The following UBE2E2 variants were observed in gnomAD, a reference collection of about 807,000 sequenced individuals.
The protein encoded by UBE2E2 is ubiquitin conjugating enzyme E2 E2.
UBE2E2 carries 6 observed loss-of-function variants against 24.7 expected under a neutral mutation model. That is an observed-to-expected ratio of 0.24 (90% CI 0.13 to 0.48). The LOEUF is 0.48. Among genes scored for constraint, UBE2E2 ranks in the 20% least tolerant of loss-of-function variants. The pLI is 0.99. For missense variants in UBE2E2, 169 were observed against 245.0 expected (o/e 0.69, Z 2.07); for synonymous variants, 104 against 83.6 (o/e 1.24, Z -1.33).
intron 3 of UBE2E2, among the ~76,000 whole-genome samples, chr3:23,495,800 G>A (rs549805869): frequency 3.3e-5 from 5 of 152,266 alleles, no homozygotes; most frequent in South Asian, 2.1e-4. Flanking sequence ...TCAGGAAAAG[G>A]AGGTAATGGG....
chr3:23,224,961 CTTT>C (rs770984995), intron 3 of UBE2E2, among the ~76,000 whole-genome samples: 2 of 133,996 alleles, frequency 1.5e-5, no homozygotes. Flanking sequence ...TGATGTTGTC[CTTT>C]TTTTTTTTTT....
chr3:23,575,914 T>C (rs1288889633), intron 5 of UBE2E2, among the ~76,000 whole-genome samples: 1 of 152,166 alleles, frequency 6.6e-6, no homozygotes, highest in Non-Finnish European at 1.5e-5. Context: ...CTAAAACTAA[T>C]GTGCTAAGTC....
intron 3 of UBE2E2, among the ~76,000 whole-genome samples, chr3:23,483,015 T>G (rs1479733387): frequency 6.6e-6 from 1 of 152,254 alleles, no homozygotes; most frequent in Non-Finnish European, 1.5e-5. Flanking sequence ...AACTCTAATC[T>G]GTACTTTTAT....
intron 5 of UBE2E2, among the ~76,000 whole-genome samples, chr3:23,559,713 T>C (rs1306475686): frequency 2.0e-5 from 3 of 152,204 alleles, no homozygotes; most frequent in Non-Finnish European, 4.4e-5. Flanking sequence ...GGTTAAAATA[T>C]TAAACATGAA....
intron 3 of UBE2E2, among the ~76,000 whole-genome samples, chr3:23,445,000 C>T (rs1429401977): frequency 6.6e-6 from 1 of 152,200 alleles, no homozygotes; most frequent in Non-Finnish European, 1.5e-5. Context: ...CTCTTTTACT[C>T]CCTCTACCTC....
intron 3 of UBE2E2, among the ~76,000 whole-genome samples, chr3:23,386,572 C>G (rs1018353248): frequency 6.6e-6 from 1 of 152,112 alleles, no homozygotes; most frequent in African/African-American, 2.4e-5. Flanking sequence ...TATTACCAAA[C>G]CAGAACAATT....
intron 3 of UBE2E2, among the ~76,000 whole-genome samples, chr3:23,366,302 C>G (rs1339226226): frequency 6.6e-6 from 1 of 152,208 alleles, no homozygotes; most frequent in African/African-American, 2.4e-5. Context: ...CCAGCAATCC[C>G]TTTATTGGGT....
chr3:23,460,606 A>G (rs908843432), intron 3 of UBE2E2, among the ~76,000 whole-genome samples: 1 of 152,204 alleles, frequency 6.6e-6, no homozygotes, highest in African/African-American at 2.4e-5. Context: ...AAAGTTATGC[A>G]TTCAATTAGC....
At chr3:23,424,162 A>G (rs1485452590) in intron 3 of UBE2E2, among the ~76,000 whole-genome samples, 1 of 152,220 alleles carries the variant, frequency 6.6e-6, no homozygotes, top group Non-Finnish European at 1.5e-5. Flanking sequence ...AAAATACCCA[A>G]TTGAATAAGA....
intron 5 of UBE2E2, among the ~76,000 whole-genome samples, chr3:23,555,293 T>A (rs1695751208): frequency 6.6e-6 from 1 of 152,174 alleles, no homozygotes; most frequent in Non-Finnish European, 1.5e-5. Context: ...GCATCACTAA[T>A]CATCAGGGAA....
chr3:23,356,736 A>C (rs760675120), intron 3 of UBE2E2, among the ~76,000 whole-genome samples: 3 of 152,234 alleles, frequency 2.0e-5, no homozygotes, highest in Non-Finnish European at 4.4e-5. Context: ...CAGAAACACT[A>C]AATCTCTGTT....
intron 3 of UBE2E2, among the ~76,000 whole-genome samples, chr3:23,294,434 AC>A (rs1328565700): frequency 6.6e-6 from 1 of 151,970 alleles, no homozygotes; most frequent in Non-Finnish European, 1.5e-5. Flanking sequence ...GTGATGTTTT[AC>A]CTTCCTTGAT....
chr3:23,264,737 C>T (rs1054340096), intron 3 of UBE2E2, among the ~76,000 whole-genome samples: 1 of 152,164 alleles, frequency 6.6e-6, no homozygotes, highest in Non-Finnish European at 1.5e-5. Flanking sequence ...TTTGTATATA[C>T]TTCAGAAATC....
At chr3:23,321,456 C>A (rs1252112803) in intron 3 of UBE2E2, among the ~76,000 whole-genome samples, 1 of 151,852 alleles carries the variant, frequency 6.6e-6, no homozygotes, top group Non-Finnish European at 1.5e-5. Flanking sequence ...CTGGCTGCCG[C>A]TACTACCTAC....
At chr3:23,307,437 C>T (rs1204934458) in intron 3 of UBE2E2, among the ~76,000 whole-genome samples, 1 of 152,088 alleles carries the variant, frequency 6.6e-6, no homozygotes, top group African/African-American at 2.4e-5. Flanking sequence ...TACCTCTACT[C>T]CCTGTACCTC....
At chr3:23,384,795 C>T (rs1696764745) in intron 3 of UBE2E2, among the ~76,000 whole-genome samples, 2 of 152,150 alleles carry the variant, frequency 1.3e-5, no homozygotes, top group African/African-American at 2.4e-5. Flanking sequence ...CCCACCTCGG[C>T]GTCCAAAAGT....
At chr3:23,223,160 C>T (rs1233030889) in intron 3 of UBE2E2, among the ~76,000 whole-genome samples, 3 of 149,502 alleles carry the variant, frequency 2.0e-5, no homozygotes, top group African/African-American at 4.9e-5. Context: ...GCTGAGACTA[C>T]AGGTACATGC....
chr3:23,379,713 C>T (rs1696618339), intron 3 of UBE2E2, among the ~76,000 whole-genome samples: 1 of 152,004 alleles, frequency 6.6e-6, no homozygotes, highest in Non-Finnish European at 1.5e-5. Context: ...GGACATGGTA[C>T]TAAGACATGG....
chr3:23,382,031 C>G (rs1351782065), intron 3 of UBE2E2, among the ~76,000 whole-genome samples: 1 of 152,076 alleles, frequency 6.6e-6, no homozygotes, highest in Non-Finnish European at 1.5e-5. Flanking sequence ...ATTCTCGCAA[C>G]CCACTTTTTA....
Sources: gnomAD v4.1 joint callset for allele counts (sites outside exome capture counted in the v4.1 genomes callset) on GRCh38, gnomAD v4.1.1 for gene constraint, MANE v1.5 for transcripts, NCBI Gene and HGNC (gene_info 2026-07-23, HGNC 2026-07-21) for gene names.